Variants in IL1R1 observed in about 807,000 individuals in gnomAD.
The protein encoded by IL1R1 is interleukin-1 receptor type 1.
IL1R1 carries 22 observed loss-of-function variants against 50.2 expected under a neutral mutation model. That is an observed-to-expected ratio of 0.44 (90% CI 0.31 to 0.63). The LOEUF is 0.63. Ranked by LOEUF, IL1R1 falls within the 20% of genes least tolerant of loss-of-function variation. The pLI, the probability that IL1R1 is intolerant of heterozygous loss-of-function variation, is 0.07. For missense variants in IL1R1, 509 were observed against 676.2 expected (o/e 0.75, Z 2.74); for synonymous variants, 251 against 236.7 (o/e 1.06, Z -0.55).
upstream of IL1R1, among the ~76,000 whole-genome samples, chr2:102,104,328 A>G (rs11123908): frequency 0.6 from 91,762 of 152,094 alleles, 28,228 homozygotes; most frequent in African/African-American, 0.69. Flanking sequence ...CACAGGCCTG[A>G]GACTGACCAG....
intron 1 of IL1R1, among the ~76,000 whole-genome samples, chr2:102,135,073 G>A (rs1192773544): frequency 6.6e-6 from 1 of 152,038 alleles, no homozygotes; most frequent in Non-Finnish European, 1.5e-5. Context: ...TAAACAAAAA[G>A]GAATGACAAA....
chr2:102,121,266 T>C (rs1681391952), intron 1 of IL1R1, among the ~76,000 whole-genome samples: 1 of 152,320 alleles, frequency 6.6e-6, no homozygotes, highest in Admixed American at 6.5e-5. Flanking sequence ...CCCTGGTTTC[T>C]CTCCAGGCAT....
intron 9 of IL1R1, among the ~76,000 whole-genome samples, chr2:102,174,090 C>T (rs186762559): frequency 6.6e-6 from 1 of 152,014 alleles, no homozygotes; most frequent in Non-Finnish European, 1.5e-5. Flanking sequence ...CTTCTCTAGC[C>T]CCCTCCCCAT....
chr2:102,139,699 G>A (rs747386092), upstream of IL1R1, among the ~76,000 whole-genome samples: 20 of 152,106 alleles, frequency 1.3e-4, no homozygotes, highest in Non-Finnish European at 2.1e-4. Flanking sequence ...GGCACCTCCC[G>A]CACCTCTCTC....
intron 7 of IL1R1, among the ~76,000 whole-genome samples, chr2:102,170,095 A>G (rs1389797413): frequency 6.6e-6 from 1 of 152,252 alleles, no homozygotes; most frequent in East Asian, 1.9e-4. Flanking sequence ...TACAAAAAAA[A>G]GCTTCAAATT....
At chr2:102,106,880 T>C (rs1258682755) in intron 1 of IL1R1, among the ~76,000 whole-genome samples, 1 of 152,186 alleles carries the variant, frequency 6.6e-6, no homozygotes, top group African/African-American at 2.4e-5. Context: ...GTTTTTCTCT[T>C]ATTAACAGTA....
intron 1 of IL1R1, among the ~76,000 whole-genome samples, chr2:102,085,511 T>C (rs879738021): frequency 1.4e-4 from 21 of 152,110 alleles, no homozygotes; most frequent in Non-Finnish European, 2.6e-4. Flanking sequence ...GTGTTGGGCA[T>C]AAATCAGGTA....
At chr2:102,075,825 A>G (rs1678931923) in intron 1 of IL1R1, among the ~76,000 whole-genome samples, 1 of 152,250 alleles carries the variant, frequency 6.6e-6, no homozygotes, top group African/African-American at 2.4e-5. Flanking sequence ...TTAAATTTCT[A>G]GCAGCAAATG....
At position 102,175,458 on chromosome 2, in the gene IL1R1, A is replaced by G; in HGVS notation, c.1136-20A>G. On this transcript the variant is annotated intron_variant, in intron 10 of 11. Transcript: ENST00000410023. ...TTATTTTTGCCTTGTGGTTCTAAATACATTATGTTTTTCCTTTAGCTTCAG... is the reference window on the plus strand; with the variant it reads ...TTATTTTTGCCTTGTGGTTCTAAATGCATTATGTTTTTCCTTTAGCTTCAG... The G allele has an allele frequency of 6.2e-7, 1 of 1,601,910 alleles. No homozygotes were observed. The highest frequency in any genetic ancestry group is 1.7e-5 in the Admixed American group (1 of 59,892).
chr2:102,089,728 TC>T (rs1679577699), intron 1 of IL1R1, among the ~76,000 whole-genome samples: 1 of 151,866 alleles, frequency 6.6e-6, no homozygotes, highest in Non-Finnish European at 1.5e-5. Flanking sequence ...TAAGTCTTCC[TC>T]TGAATGCCTT....
chr2:102,137,079 G>A (rs1260705328), intron 1 of IL1R1, among the ~76,000 whole-genome samples: 1 of 152,142 alleles, frequency 6.6e-6, no homozygotes, highest in African/African-American at 2.4e-5. Flanking sequence ...GCTTTTGTTT[G>A]CTGGTCATAA....
chr2:102,110,505 G>A (rs532686080), intron 1 of IL1R1, among the ~76,000 whole-genome samples: 10 of 137,148 alleles, frequency 7.3e-5, no homozygotes, highest in Non-Finnish European at 1.1e-4. Context: ...CCATGTGCTC[G>A]TCAACAGTGC....
chr2:102,175,161 G>C (rs986419450), intron 10 of IL1R1, among the ~76,000 whole-genome samples: 37 of 151,244 alleles, frequency 2.4e-4, no homozygotes, highest in African/African-American at 8.5e-4. Context: ...AAAAAAAAAT[G>C]AATGGATAGA....
chr2:102,124,432 GC>G (rs994551032), intron 1 of IL1R1, among the ~76,000 whole-genome samples: 3 of 144,664 alleles, frequency 2.1e-5, no homozygotes, highest in East Asian at 4.2e-4. Flanking sequence ...CCCCACCACT[GC>G]CCCCCCAAAA....
intron 1 of IL1R1, among the ~76,000 whole-genome samples, chr2:102,117,255 C>T (rs1288481267): frequency 1.3e-5 from 2 of 152,124 alleles, no homozygotes; most frequent in African/African-American, 4.8e-5. Flanking sequence ...ACCACCACAA[C>T]AAGGACTTGG....
At chr2:102,076,808 C>T (rs989145440) in intron 1 of IL1R1, among the ~76,000 whole-genome samples, 1 of 151,864 alleles carries the variant, frequency 6.6e-6, no homozygotes, top group Non-Finnish European at 1.5e-5. Flanking sequence ...GGGCTTGTTG[C>T]CCTTCTTGGA....
intron 3 of IL1R1, among the ~76,000 whole-genome samples, chr2:102,159,414 A>T (rs1001310621): frequency 1.3e-5 from 2 of 152,114 alleles, no homozygotes; most frequent in African/African-American, 4.8e-5. Context: ...CTTAGCCTTC[A>T]CTTCCTGCTT....
chr2:102,173,126 T>C (rs936255279), intron 9 of IL1R1, among the ~76,000 whole-genome samples: 1 of 152,192 alleles, frequency 6.6e-6, no homozygotes, highest in African/African-American at 2.4e-5. Context: ...TCGTTTTCTG[T>C]ACTTAACTAT....
At chr2:102,086,208 G>A (rs917339167) in intron 1 of IL1R1, among the ~76,000 whole-genome samples, 11 of 152,132 alleles carry the variant, frequency 7.2e-5, no homozygotes, top group African/African-American at 2.7e-4. Context: ...TGGTTTCACT[G>A]GGTAAGATTT....
Sources: gnomAD v4.1 joint callset for allele counts (sites outside exome capture counted in the v4.1 genomes callset) on GRCh38, gnomAD v4.1.1 for gene constraint, MANE v1.5 for transcripts, NCBI Gene and HGNC (gene_info 2026-07-23, HGNC 2026-07-21) for gene names.